Variants in ZDHHC13 observed in about 807,000 individuals in gnomAD.
ZDHHC13 encodes palmitoyltransferase ZDHHC13.
ZDHHC13 carries 85 observed loss-of-function variants against 86.0 expected under a neutral mutation model. The observed-to-expected ratio is 0.99, with a 90% CI of 0.83 to 1.18. The LOEUF (loss-of-function observed/expected upper bound fraction) is 1.18. Among genes scored for constraint, ZDHHC13 ranks in the 50% most tolerant of loss-of-function variants. The probability of loss-of-function intolerance (pLI) is 0.00; values close to 1 mark genes in which losing one functional copy is unlikely to be tolerated. For missense variants in ZDHHC13, 711 were observed against 730.2 expected (o/e 0.97, Z 0.30); for synonymous variants, 263 against 246.4 (o/e 1.07, Z -0.63).
At chr11:19,141,087 A>T (rs1198578481) in intron 1 of ZDHHC13, among the ~76,000 whole-genome samples, 2 of 151,924 alleles carry the variant, frequency 1.3e-5, no homozygotes, top group Admixed American at 6.6e-5. Context: ...AAAAAAAAGA[A>T]AAAAAAGTAC....
intron 1 of ZDHHC13, among the ~76,000 whole-genome samples, chr11:19,122,414 A>G (rs1347926284): frequency 3.9e-5 from 6 of 152,218 alleles, no homozygotes; most frequent in African/African-American, 1.4e-4. Context: ...TGTGCTTATT[A>G]TTATTATTAT....
At position 19,164,378 on chromosome 11, in the gene ZDHHC13, A is replaced by G. The variant is rs764992879; in HGVS notation, c.1296+15A>G. ...CATCATGTCTTGTGAGTTTTTTCAT[A>G]TAATTTTTTTCCGTAGTGAAAGCAA... On this transcript the variant is annotated intron_variant, in intron 12 of 16. Coordinates refer to ENST00000446113, the MANE Select transcript of ZDHHC13 (RefSeq NM_019028.3). 27 of 1,611,014 alleles carry G rather than the reference A, an allele frequency of 1.7e-5. No individual in the cohort carries two copies. The East Asian group carries it at 4.0e-4, about 24-fold the overall frequency.
chr11:19,155,869 C>T lies in ZDHHC13; in HGVS notation c.947C>T (p.Ser316Phe). 6.2e-7 allele frequency: 1 copy of T among 1,612,702 alleles called. No homozygotes were observed. Among genetic ancestry groups the T allele is most frequent in the Non-Finnish European group, 8.5e-7 (1 of 1,179,638 alleles). ...IGYILDFNSD[S>F]WLLKGCLLVT... ...TACATATTGGACTTCAATTCAGATT[C>T]TTGGCTTTTAAAAGGATGTCTTCTA... Residue 316 changes from serine (S) to phenylalanine (F), a missense_variant, in exon 9 of 17, where the codon TCT becomes TTT. By Grantham distance (155) the Ser-to-Phe change is radical (BLOSUM62 -2). Coordinates refer to ENST00000446113, the MANE Select transcript of ZDHHC13 (RefSeq NM_019028.3).
At chr11:19,131,425 T>C (rs1848998149) in intron 1 of ZDHHC13, among the ~76,000 whole-genome samples, 1 of 152,216 alleles carries the variant, frequency 6.6e-6, no homozygotes, top group Non-Finnish European at 1.5e-5. Flanking sequence ...TCGCCAACTT[T>C]GGAAGATTTT....
At chr11:19,129,131 T>C (rs1228666047) in intron 1 of ZDHHC13, among the ~76,000 whole-genome samples, 1 of 152,258 alleles carries the variant, frequency 6.6e-6, no homozygotes, top group Non-Finnish European at 1.5e-5. Flanking sequence ...TTTTACCTTT[T>C]TGATGCTAGT....
chr11:19,117,241 C>T lies in ZDHHC13; in HGVS notation c.-9C>T. 4 of 1,518,398 alleles carry T rather than the reference C, an allele frequency of 2.6e-6. No individual in the cohort carries two copies. Among genetic ancestry groups the T allele is most frequent in the Non-Finnish European group, 2.6e-6 (3 of 1,134,626 alleles). 94.1% of individuals were successfully genotyped at this position (1,518,398 alleles called of 1,614,324 possible). A position where few individuals can be genotyped will look rare whatever the true frequency, so the allele number is the denominator to read the frequency against. On this transcript the variant is annotated 5_prime_UTR_variant, in exon 1 of 17. Transcript: ENST00000446113. This position sits in a 1 kb window ranked among gnomAD's most constrained non-coding sequence, Gnocchi z 4.2. ...CTAGTAGCCTCAGCCGCTGTGGGCT[C>T]CTGGGGAGATGGAGGGGCCGGGGCT... is the stretch of plus-strand genomic sequence containing the variant.
chr11:19,154,155 A>G (rs878953134), intron 8 of ZDHHC13, among the ~76,000 whole-genome samples: 8 of 152,176 alleles, frequency 5.3e-5, no homozygotes, highest in Admixed American at 5.2e-4. Context: ...TTATTTGTCT[A>G]TCTTCCCCAG....
chr11:19,124,899 C>T (rs141995330), intron 1 of ZDHHC13, among the ~76,000 whole-genome samples: 3 of 152,136 alleles, frequency 2.0e-5, no homozygotes, highest in African/African-American at 4.8e-5. Flanking sequence ...CTGATTTGCC[C>T]CCAGCCTTGA....
At chr11:19,153,519 G>T (rs1849668537) in intron 8 of ZDHHC13, among the ~76,000 whole-genome samples, 1 of 152,116 alleles carries the variant, frequency 6.6e-6, no homozygotes, top group South Asian at 2.1e-4. Flanking sequence ...TTTGCATTAG[G>T]CATGTGGAGT....
At chr11:19,118,960 C>T (rs1848702896) in intron 1 of ZDHHC13, 1 of 152,150 alleles carries the variant, frequency 6.6e-6, no homozygotes, top group South Asian at 2.1e-4. Flanking sequence ...TGCCAGGCAC[C>T]GTTTTAGGTG....
intron 16 of ZDHHC13, among the ~76,000 whole-genome samples, chr11:19,173,890 T>C (rs1377598419): frequency 6.6e-6 from 1 of 152,140 alleles, no homozygotes; most frequent in Non-Finnish European, 1.5e-5. Flanking sequence ...AGAGTCTGAA[T>C]AGAGGGACAC....
At chr11:19,134,686 A>G (rs1349734770) in intron 1 of ZDHHC13, among the ~76,000 whole-genome samples, 1 of 148,492 alleles carries the variant, frequency 6.7e-6, no homozygotes, top group Non-Finnish European at 1.5e-5. Flanking sequence ...GGAGGGGAAC[A>G]TTACACACTG....
chr11:19,165,521 A>G (rs1850039756), intron 13 of ZDHHC13, among the ~76,000 whole-genome samples: 1 of 152,178 alleles, frequency 6.6e-6, no homozygotes, highest in African/African-American at 2.4e-5. Flanking sequence ...AGGTCGGACC[A>G]TGATGTAGTA....
At chr11:19,174,835 T>C (rs918389224) in intron 16 of ZDHHC13, among the ~76,000 whole-genome samples, 2 of 152,124 alleles carry the variant, frequency 1.3e-5, no homozygotes, top group Non-Finnish European at 1.5e-5. Context: ...ATGGGAAAAA[T>C]AGAGCCAGAG....
intron 1 of ZDHHC13, among the ~76,000 whole-genome samples, chr11:19,118,182 A>G (rs866649941): frequency 3.3e-5 from 5 of 152,314 alleles, no homozygotes; most frequent in South Asian, 2.1e-4. Flanking sequence ...ACAGATGAGA[A>G]CGAACACTAA....
intron 1 of ZDHHC13, among the ~76,000 whole-genome samples, chr11:19,141,326 A>G (rs983825246): frequency 1.3e-5 from 2 of 152,182 alleles, no homozygotes; most frequent in African/African-American, 2.4e-5. Flanking sequence ...TGTAAATAAT[A>G]TGTACATTTG....
intron 8 of ZDHHC13, among the ~76,000 whole-genome samples, chr11:19,154,715 C>T (rs1849709508): frequency 6.6e-6 from 1 of 152,192 alleles, no homozygotes. Flanking sequence ...ACACTGAGAA[C>T]ATCCCCCTTC....
At position 19,164,296 on chromosome 11, in the gene ZDHHC13, T is replaced by C. The variant is rs773507623; in HGVS notation, c.1234-5T>C. 6.8e-6 allele frequency: 11 copies of C among 1,612,826 alleles called. No individual in the cohort carries two copies. Among genetic ancestry groups the C allele is most frequent in the Non-Finnish European group, 8.5e-6 (10 of 1,179,378 alleles). On this transcript the variant is annotated splice_polypyrimidine_tract_variant and splice_region_variant and intron_variant, in intron 11 of 16. Transcript: ENST00000446113. ...TGGTAATAGGTCAAACTTCATGTCT[T>C]TCAGAATATCATCACCCTTGCAGAA...
chr11:19,129,953 T>C (rs1848956236), intron 1 of ZDHHC13, among the ~76,000 whole-genome samples: 1 of 152,104 alleles, frequency 6.6e-6, no homozygotes, highest in Admixed American at 6.6e-5. Context: ...CCGGATGTGG[T>C]GGCACGCATC....
Sources: allele counts gnomAD v4.1 joint callset (sites outside exome capture counted in the v4.1 genomes callset), GRCh38; gene constraint gnomAD v4.1.1; non-coding constraint Gnocchi (gnomAD v3.1); transcripts MANE v1.5; gene names NCBI Gene and HGNC (gene_info 2026-07-23, HGNC 2026-07-21).